Variants in REX1BD observed in about 807,000 individuals in gnomAD.
REX1BD encodes the protein required for excision 1-B domain containing.
A neutral mutation model predicts 24.4 loss-of-function variants in REX1BD; 22 were observed. That is an observed-to-expected ratio of 0.90 (90% CI 0.64 to 1.29). The LOEUF (loss-of-function observed/expected upper bound fraction) is 1.29. Ranked by LOEUF, REX1BD falls within the 50% of genes most tolerant of loss-of-function variation. The probability of loss-of-function intolerance (pLI) is 0.00; values close to 1 mark genes in which losing one functional copy is unlikely to be tolerated. For synonymous variants in REX1BD, 146 were observed against 125.9 expected, an observed-to-expected ratio of 1.16 and a Z score of -1.07; for missense variants, 293 against 285.3, an observed-to-expected ratio of 1.03 and a Z score of -0.19.
rs778635257 is a variant in REX1BD at position 18,588,832 on chromosome 19, G to T, written c.31G>T (p.Val11Phe). MITETAAEPT[V>F]PAVPAAEEAT... is the part of the protein sequence containing the mutation. The stretch of plus-strand genomic sequence containing the variant: ...CACCGAGACCGCGGCGGAGCCTACG[G>T]TCCCTGCAGTGCCTGCTGCTGAGGA... Residue 11 changes from valine (V) to phenylalanine (F), a missense_variant, in exon 1 of 5, where the codon GTC (valine) becomes TTC (phenylalanine). Transcript: ENST00000358607. The T allele has an allele frequency of 6.5e-7, 1 of 1,533,428 alleles. No individual in the cohort carries two copies. Among genetic ancestry groups the T allele is most frequent in the Non-Finnish European group, 8.7e-7 (1 of 1,146,024 alleles). 95.0% of individuals were successfully genotyped at this position (1,533,428 alleles called of 1,614,324 possible).
chr19:18,592,035 C>T (rs147461485), intron 4 of REX1BD, 73 bp from the exon 5 acceptor site: 24 of 1,578,314 alleles, frequency 1.5e-5, no homozygotes, highest in Middle Eastern at 3.3e-4. Context: ...AGCCACAGCC[C>T]TCTTGCAGCT....
Position 18,589,581 on chromosome 19 carries a change from G to C in REX1BD, c.351G>C (p.Glu117Asp). The change falls in exon 3 of 5, where the codon GAG becomes GAC. Residue 117 changes from glutamate to aspartate, a missense_variant. Transcript: ENST00000358607. Reference protein sequence around the residue: ...VTQAFAAASREVLAVEAELGG... With the variant: ...VTQAFAAASRDVLAVEAELGG... ...AGGCCTTCGCCGCCGCCTCGCGGGA[G>C]GTGCTGGCGGTGGAAGCAGAGCTGG... The C allele has an allele frequency of 6.4e-7, 1 of 1,551,546 alleles. No homozygotes were observed. Among genetic ancestry groups the C allele is most frequent in the South Asian group, 1.2e-5 (1 of 85,300 alleles).
intron 2 of REX1BD, 108 bp downstream of exon 2, chr19:18,589,185 G>A: frequency 6.7e-7 from 1 of 1,488,940 alleles, no homozygotes; most frequent in Non-Finnish European, 8.9e-7. Flanking sequence ...TTGTGTGGCT[G>A]CAGAGTCAGA....
intron 3 of REX1BD, chr19:18,590,586 T>C (rs1239690978): frequency 2.3e-5 from 9 of 389,940 alleles, no homozygotes; most frequent in Non-Finnish European, 4.2e-5. Flanking sequence ...AACCCACCCC[T>C]ACGGCCAATG....
chr19:18,591,069 C>T, intron 4 of REX1BD, 136 bp downstream of exon 4: 1 of 736,190 alleles, frequency 1.4e-6, no homozygotes, highest in South Asian at 2.0e-5. Flanking sequence ...ATGTACACTT[C>T]CCCAGAGGGC....
At position 18,590,854 on chromosome 19, in the gene REX1BD, G is replaced by T; in HGVS notation, c.454G>T (p.Val152Leu). The T allele has an allele frequency of 1.2e-6, 2 of 1,604,574 alleles. No individual in the cohort carries two copies. Residue 152 changes from valine (V) to leucine (L), a missense_variant and splice_region_variant, in exon 4 of 5, where the codon GTG becomes TTG. Physicochemically the swap from Val to Leu is conservative, Grantham distance 32. Coordinates refer to ENST00000358607, the MANE Select transcript of REX1BD (RefSeq NM_001100418.2). ...TTCGTGTTGCTCATTCCCCCACCAGGTGGCCCTGCTGCAGTTGATGGAGAC... is the reference window on the plus strand; with the variant it reads ...TTCGTGTTGCTCATTCCCCCACCAGTTGGCCCTGCTGCAGTTGATGGAGAC... ...QELEQTRLGTVALLQLMETPE... is the reference protein window; with the variant it reads ...QELEQTRLGTLALLQLMETPE...
intron 2 of REX1BD, 134 bp downstream of exon 2, chr19:18,589,211 G>C: frequency 6.6e-7 from 1 of 1,505,808 alleles, no homozygotes. Context: ...CGGGGATTTC[G>C]GGGCACCGGG....
intron 3 of REX1BD, 141 bp downstream of exon 3, chr19:18,589,824 G>A (rs941792406): frequency 8.1e-6 from 10 of 1,232,028 alleles, no homozygotes; most frequent in Non-Finnish European, 9.6e-6. Context: ...CTCTATTAAG[G>A]CTTCACTTGG....
In REX1BD at chr19:18,590,939, C is replaced by T. The variant is rs757510273; in HGVS notation, c.533+6C>T. 19 of 1,552,600 alleles carry T rather than the reference C, an allele frequency of 1.2e-5. No individual in the cohort carries two copies. Among genetic ancestry groups the T allele is most frequent in the Middle Eastern group, 1.7e-4 (1 of 5,904 alleles). On this transcript the variant is annotated splice_donor_region_variant and intron_variant, in intron 4 of 4. Transcript: ENST00000358607. ...ATGCAGCAGCTGAAAATGAAGTGAG[C>T]GCTGCTGCCCAAGCCGCCTGGCTAT... is the stretch of plus-strand genomic sequence containing the variant.
chr19:18,588,872 G>C lies in REX1BD; in HGVS notation c.71G>C (p.Arg24Pro), dbSNP rs937445540. ...GCTGCTGAGGAGGCCACCGAAGCTC[G>C]GGGACGCGAGGAGCCGGCGTGGCCC... ...VPAAEEATEA[R>P]GREEPAWPWK... The change falls in exon 1 of 5, where the codon CGG becomes CCG. Residue 24 changes from arginine to proline, a missense_variant. Transcript: ENST00000358607. The C allele has an allele frequency of 3.9e-6, 6 of 1,532,600 alleles. No homozygotes were observed. In the African/African-American group the frequency reaches 8.3e-5, roughly 21 times the overall value. The allele number at this position is 1,532,600 out of a possible 1,614,324, so 94.9% of individuals were successfully genotyped here.
chr19:18,588,826 C>T lies in REX1BD; in HGVS notation c.25C>T (p.Pro9Ser). The T allele has an allele frequency of 3.9e-6, 6 of 1,532,860 alleles. No homozygotes were observed. The highest frequency in any genetic ancestry group is 2.5e-5 in the East Asian group (1 of 40,622). The allele number at this position is 1,532,860 out of a possible 1,614,324, so 95.0% of individuals were successfully genotyped here. A position where few individuals can be genotyped will look rare whatever the true frequency, so the allele number is the denominator to read the frequency against. The change falls in exon 1 of 5, where the codon CCT becomes TCT. Residue 9 changes from proline (P) to serine (S), a missense_variant. Pro to Ser is a moderately conservative substitution (Grantham distance 74, BLOSUM62 -1). Transcript: ENST00000358607. MITETAAE[P>S]TVPAVPAAEE... ...CATGATCACCGAGACCGCGGCGGAG[C>T]CTACGGTCCCTGCAGTGCCTGCTGC...
chr19:18,589,005 C>A lies in REX1BD; in HGVS notation c.110C>A (p.Pro37Gln). Reference sequence around the variant, plus strand: ...CCCCCTGTCCCGCAGAAAGACGCCCCGATCCGGACGCTGGTGCAGCGCATC... The same window carrying A: ...CCCCCTGTCCCGCAGAAAGACGCCCAGATCCGGACGCTGGTGCAGCGCATC... ...EEPAWPWKDA[P>Q]IRTLVQRIHQ... Residue 37 changes from proline (P) to glutamine (Q), a missense_variant, in exon 2 of 5, where the codon CCG becomes CAG. Pro to Gln is a moderately conservative substitution (Grantham distance 76, BLOSUM62 -1). Transcript: ENST00000358607. 6.5e-7 allele frequency: 1 copy of A among 1,527,928 alleles called. No homozygotes were observed. Among genetic ancestry groups the A allele is most frequent in the Non-Finnish European group, 8.7e-7 (1 of 1,143,932 alleles). The allele number at this position is 1,527,928 out of a possible 1,614,324, so 94.6% of individuals were successfully genotyped here.
Position 18,589,416 on chromosome 19 carries a change from G to T in REX1BD, c.186G>T (p.Trp62Cys). 6.4e-7 allele frequency: 1 copy of T among 1,559,348 alleles called. No individual in the cohort carries two copies. The highest frequency in any genetic ancestry group is 2.4e-5 in the East Asian group (1 of 41,506). The change falls in exon 3 of 5, where the codon TGG becomes TGT. Residue 62 changes from tryptophan to cysteine, a missense_variant. Transcript: ENST00000358607. ...RAQGFRRLEE[W>C]LAPVQGLRAW... ...ACACTTCCTGGGGGCCTTTCAGGTG[G>T]TTGGCGCCGGTGCAGGGCCTGAGAG...
In REX1BD at chr19:18,590,911, C is replaced by T. The variant is rs765880307; in HGVS notation, c.511C>T (p.Arg171Trp). 1.4e-5 allele frequency: 23 copies of T among 1,593,786 alleles called. No individual in the cohort carries two copies. Among genetic ancestry groups the T allele is most frequent in the Non-Finnish European group, 1.9e-5 (22 of 1,171,166 alleles). The change falls in exon 4 of 5, where the codon CGG (arginine) becomes TGG (tryptophan). Residue 171 changes from arginine (R) to tryptophan (W), a missense_variant. Arg to Trp is a moderately radical substitution (Grantham distance 101). Coordinates refer to ENST00000358607, the MANE Select transcript of REX1BD (RefSeq NM_001100418.2). ...GCTGGCGGGGCAGGAGGACGCTGTA[C>T]GGATGCAGCAGCTGAAAATGAAGTG... ...PELAGQEDAVRMQQLKMKVIK... is the reference protein window; with the variant it reads ...PELAGQEDAVWMQQLKMKVIK...
At position 18,590,911 on chromosome 19, in the gene REX1BD, C is replaced by G. The variant is rs765880307; in HGVS notation, c.511C>G (p.Arg171Gly). The change falls in exon 4 of 5, where the codon CGG becomes GGG. Residue 171 changes from arginine to glycine, a missense_variant. Transcript: ENST00000358607. ...PELAGQEDAV[R>G]MQQLKMKVIK... ...GCTGGCGGGGCAGGAGGACGCTGTA[C>G]GGATGCAGCAGCTGAAAATGAAGTG... 11 of 1,593,786 alleles carry G rather than the reference C, an allele frequency of 6.9e-6. No homozygotes were observed. The East Asian group carries it at 1.6e-4, about 23-fold the overall frequency.
At chr19:18,591,771 TTTTA>T (rs1195690139) in intron 4 of REX1BD, 1 of 299,508 alleles carries the variant, frequency 3.3e-6, no homozygotes, top group Middle Eastern at 1.1e-3. Flanking sequence ...ATTCTTGTAT[TTTTA>T]GTAGAGACGG....
intron 4 of REX1BD, chr19:18,591,350 T>G (rs1976036409): frequency 1.3e-5 from 2 of 155,670 alleles, no homozygotes; most frequent in Non-Finnish European, 2.9e-5. Flanking sequence ...AGTCTCACTC[T>G]GTCACCAGGC....
rs1278478354 is a variant in REX1BD at position 18,588,813 on chromosome 19, G to A, written c.12G>A (p.Glu4=). The A allele has an allele frequency of 2.1e-5, 32 of 1,532,476 alleles. No individual in the cohort carries two copies. The highest frequency in any genetic ancestry group is 2.4e-5 in the Non-Finnish European group (28 of 1,145,750). 94.9% of individuals were successfully genotyped at this position (1,532,476 alleles called of 1,614,324 possible). ...AGGGCTGCGCAGTCATGATCACCGA[G>A]ACCGCGGCGGAGCCTACGGTCCCTG... The part of the protein sequence containing the change: MIT[E]TAAEPTVPAV... Residue 4 remains glutamate (E), a synonymous_variant, in exon 1 of 5, where the codon GAG becomes GAA. Coordinates refer to ENST00000358607, the MANE Select transcript of REX1BD (RefSeq NM_001100418.2).
intron 4 of REX1BD, 197 bp downstream of exon 4, chr19:18,591,130 T>C (rs1976032045): frequency 1.9e-6 from 1 of 536,990 alleles, no homozygotes; most frequent in Admixed American, 3.7e-5. Context: ...GGGACACTGC[T>C]GTATACCTCG....
Sources: gnomAD v4.1 joint callset for allele counts on GRCh38, gnomAD v4.1.1 for gene constraint, MANE v1.5 for transcripts, NCBI Gene and HGNC (gene_info 2026-07-23, HGNC 2026-07-21) for gene names.